Variants in ARHGAP26 observed in about 807,000 individuals in gnomAD.
ARHGAP26 encodes the protein Rho GTPase activating protein 26.
In ARHGAP26, 38 loss-of-function variants were observed where a neutral mutation model predicts 104.8. The ratio of observed to expected loss-of-function variants is 0.36; its 90% CI spans 0.28 to 0.48. ARHGAP26 has a LOEUF of 0.48. ARHGAP26 is among the 20% of genes least tolerant of loss of function. ARHGAP26 has a pLI of 0.99. For missense variants in ARHGAP26, 704 were observed against 947.9 expected (o/e 0.74, Z 3.38); for synonymous variants, 341 against 340.0 (o/e 1.00, Z -0.03).
At chr5:143,031,168 C>T (rs1173026957) in intron 12 of ARHGAP26, among the ~76,000 whole-genome samples, 1 of 152,246 alleles carries the variant, frequency 6.6e-6, no homozygotes, top group African/African-American at 2.4e-5. Flanking sequence ...GTGCTCAGAG[C>T]TGGCACAGTG....
intron 1 of ARHGAP26, among the ~76,000 whole-genome samples, chr5:142,773,778 A>G (rs1200316153): frequency 6.6e-6 from 1 of 152,210 alleles, no homozygotes; most frequent in Non-Finnish European, 1.5e-5. Flanking sequence ...CTGAATGATT[A>G]TCAGTGATTG....
intron 1 of ARHGAP26, among the ~76,000 whole-genome samples, chr5:142,804,470 A>C (rs886676792): frequency 6.6e-6 from 1 of 152,178 alleles, no homozygotes; most frequent in Non-Finnish European, 1.5e-5. Flanking sequence ...ATTATTAAGC[A>C]TAGGTTTGAA....
intron 1 of ARHGAP26, among the ~76,000 whole-genome samples, chr5:142,793,567 G>A (rs1002702534): frequency 2.6e-5 from 4 of 151,998 alleles, no homozygotes; most frequent in Admixed American, 2.6e-4. Flanking sequence ...CATTCTCTCA[G>A]TTGGTTTTAT....
Position 143,214,076 on chromosome 5 carries a change from G to T in ARHGAP26, c.2179G>T (p.Val727Phe). 7.0e-7 allele frequency: 1 copy of T among 1,435,162 alleles called. No homozygotes were observed. Among genetic ancestry groups the T allele is most frequent in the Non-Finnish European group, 9.4e-7 (1 of 1,064,286 alleles). 88.9% of individuals were successfully genotyped at this position (1,435,162 alleles called of 1,614,324 possible). The change falls in exon 22 of 23, where the codon GTC (valine) becomes TTC (phenylalanine). Residue 727 changes from valine (V) to phenylalanine (F), a missense_variant. Physicochemically the swap from Val to Phe is conservative, Grantham distance 50. Transcript: ENST00000645722. ...DSELSFTAGT[V>F]FDNVHPSQEP... The stretch of plus-strand genomic sequence containing the variant: ...AGAACTTTCGTTCACAGCAGGCACG[G>T]TCTTCGATAACGGTGAGTTTCTCAT...
At chr5:143,137,741 A>G in intron 19 of ARHGAP26, among the ~76,000 whole-genome samples, 1 of 152,146 alleles carries the variant, frequency 6.6e-6, no homozygotes, top group Non-Finnish European at 1.5e-5. Flanking sequence ...CCGCAGTTGA[A>G]ATGCTTAGTG....
chr5:143,131,994 C>T (rs1363519193), intron 18 of ARHGAP26, among the ~76,000 whole-genome samples: 1 of 152,074 alleles, frequency 6.6e-6, no homozygotes, highest in South Asian at 2.1e-4. Context: ...TTTGGGGTTC[C>T]AGCTGCTCGG....
intron 1 of ARHGAP26, chr5:142,771,417 T>A: frequency 8.1e-7 from 1 of 1,231,780 alleles, no homozygotes; most frequent in South Asian, 4.1e-5. Flanking sequence ...AGCTCCAGCC[T>A]AGTCAGGCCG....
In ARHGAP26 at chr5:142,892,379, C is replaced by T. The variant is rs183375203; in HGVS notation, c.487-1859C>T. Among the ~76,000 whole-genome samples, 345 of 152,050 alleles carry T rather than the reference C, an allele frequency of 2.3e-3. 8 individuals carry two copies. Among genetic ancestry groups the T allele is most frequent in the African/African-American group, 7.8e-3 (323 of 41,312 alleles). On this transcript the variant is annotated intron_variant, in intron 5 of 22. Transcript: ENST00000645722. ...ATCCACCAGGACAGAAATCCCAGCT[C>T]TGCCGTATACTAGCTGTGTCACCTT...
At chr5:143,220,138 C>T (rs2151428969) in intron 22 of ARHGAP26, among the ~76,000 whole-genome samples, 1 of 152,354 alleles carries the variant, frequency 6.6e-6, no homozygotes, top group East Asian at 1.9e-4. Flanking sequence ...AATAACTCAA[C>T]TTGGAGCTTG....
chr5:143,003,671 A>G (rs1777508428), intron 11 of ARHGAP26, among the ~76,000 whole-genome samples: 1 of 152,248 alleles, frequency 6.6e-6, no homozygotes, highest in African/African-American at 2.4e-5. Context: ...GTCTGCAGCC[A>G]TCAAGTAAGT....
rs1562135621 is a variant in ARHGAP26 at position 142,949,184 on chromosome 5, A to AGAGAGAGAGAG, written c.1107+17060_1107+17070dup. Reference sequence around the variant, plus strand: ...AATTTCCAGAGAGAGAGAGAGAGAGAGAGAGAGAGAGAGAGAGAGAGAGAG... The same window carrying AGAGAGAGAGAG: ...AATTTCCAGAGAGAGAGAGAGAGAGAGAGAGAGAGAGGAGAGAGAGAGAGAGAGAGAGAGAG... On this transcript the variant is annotated intron_variant, in intron 11 of 22. Transcript: ENST00000645722. Among the ~76,000 whole-genome samples, 8 of 23,432 alleles carry AGAGAGAGAGAG rather than the reference A, an allele frequency of 3.4e-4. 2 individuals are homozygous for AGAGAGAGAGAG. The highest frequency in any genetic ancestry group is 4.8e-4 in the African/African-American group (1 of 2,072). The allele number at this position is 23,432 out of a possible 152,430, so 15.4% of individuals were successfully genotyped here.
At chr5:143,041,745 C>T in intron 13 of ARHGAP26, 71 bp from the exon 14 acceptor site, 1 of 946,322 alleles carries the variant, frequency 1.1e-6, no homozygotes, top group Non-Finnish European at 1.5e-6. Context: ...AAAAAAAGTG[C>T]ATTTGGCTGG....
chr5:142,888,594 A>G (rs1758047436), intron 5 of ARHGAP26, among the ~76,000 whole-genome samples: 1 of 152,178 alleles, frequency 6.6e-6, no homozygotes, highest in Non-Finnish European at 1.5e-5. Flanking sequence ...CCCTGATTGC[A>G]GGGTTCTGCA....
At chr5:142,883,954 A>G (rs1757352621) in intron 4 of ARHGAP26, among the ~76,000 whole-genome samples, 1 of 152,182 alleles carries the variant, frequency 6.6e-6, no homozygotes, top group African/African-American at 2.4e-5. Flanking sequence ...GTGGTTGCTG[A>G]TTATAAATTT....
chr5:143,068,565 C>T (rs940376459), intron 17 of ARHGAP26, among the ~76,000 whole-genome samples: 3 of 152,228 alleles, frequency 2.0e-5, no homozygotes, highest in Admixed American at 2.0e-4. Flanking sequence ...TAGTTTCTCC[C>T]TCTTTCTTCT....
At chr5:142,949,580 A>G (rs252234) in intron 11 of ARHGAP26, among the ~76,000 whole-genome samples, 44,763 of 151,920 alleles carry the variant, frequency 0.29, 7,485 homozygotes, top group East Asian at 0.74. Context: ...AAGACTTTTC[A>G]GTACAATGTT....
chr5:143,051,061 G>GT (rs567194631), intron 14 of ARHGAP26, among the ~76,000 whole-genome samples: 38 of 150,896 alleles, frequency 2.5e-4, no homozygotes, highest in Admixed American at 5.9e-4. Flanking sequence ...ATGTATATCT[G>GT]TTTTTTTTTC....
chr5:143,012,268 C>T (rs1340171337), intron 11 of ARHGAP26, among the ~76,000 whole-genome samples: 1 of 151,412 alleles, frequency 6.6e-6, no homozygotes, highest in Non-Finnish European at 1.5e-5. Flanking sequence ...ATATTTAGAG[C>T]TTGATAATTC....
chr5:143,007,177 A>G (rs1778096273), intron 11 of ARHGAP26, among the ~76,000 whole-genome samples: 1 of 146,460 alleles, frequency 6.8e-6, no homozygotes, highest in Non-Finnish European at 1.5e-5. Context: ...CCTGGTTGAC[A>G]GCAAGACTCT....
Sources: gnomAD v4.1 joint callset for allele counts (sites outside exome capture counted in the v4.1 genomes callset) on GRCh38, gnomAD v4.1.1 for gene constraint, MANE v1.5 for transcripts, NCBI Gene and HGNC (gene_info 2026-07-23, HGNC 2026-07-21) for gene names.